TMEM230: variants seen among roughly 807,000 people sequenced by gnomAD.
TMEM230 encodes the protein transmembrane protein 230.
TMEM230 carries 10 observed loss-of-function variants against 15.8 expected under a neutral mutation model. That is an observed-to-expected ratio of 0.63 (90% CI 0.39 to 1.07). The LOEUF is 1.07. TMEM230 is among the 50% of genes least tolerant of loss of function. TMEM230 has a pLI of 0.01. For synonymous variants in TMEM230, 67 were observed against 76.9 expected (o/e 0.87, Z 0.68); for missense variants, 165 against 193.3 (o/e 0.85, Z 0.87).
At chr20:5,069,329 C>T (rs1374951017) in exon 4 of TMEM230, 15 of 1,534,854 alleles carry the variant, frequency 9.8e-6, no homozygotes, top group Non-Finnish European at 1.3e-5. Flanking sequence ...TCTTTTGTTC[C>T]CGTGAGGTGG....
At chr20:5,081,769 C>A (rs1234537296) in intron 3 of TMEM230, among the ~76,000 whole-genome samples, 1 of 151,992 alleles carries the variant, frequency 6.6e-6, no homozygotes, top group Non-Finnish European at 1.5e-5. Flanking sequence ...GCCCTCCCTG[C>A]TTGCTGTCAG....
chr20:5,079,293 T>C (rs1006937027), intron 3 of TMEM230, among the ~76,000 whole-genome samples: 4 of 152,224 alleles, frequency 2.6e-5, no homozygotes, highest in Admixed American at 6.5e-5. Flanking sequence ...TGATTTGTAA[T>C]GTCATTTAAT....
intron 3 of TMEM230, 30 bp downstream of exon 2, chr20:5,109,302 T>C: frequency 6.4e-7 from 1 of 1,550,564 alleles, no homozygotes; most frequent in Non-Finnish European, 8.9e-7. Flanking sequence ...ACACAGCCAG[T>C]CAGTCTTGTC....
At chr20:5,109,476 G>T in intron 2 of TMEM230, 31 bp from the exon 2 acceptor site, 3 of 1,532,666 alleles carry the variant, frequency 2.0e-6, no homozygotes, top group Non-Finnish European at 2.7e-6. Context: ...ACCCGTTATT[G>T]TCTGTAGATG....
chr20:5,100,550 T>G lies in TMEM230; in HGVS notation c.*241A>C. 1.6e-6 allele frequency: 2 copies of G among 1,283,514 alleles called. No individual in the cohort carries two copies. The highest frequency in any genetic ancestry group is 4.0e-5 in the South Asian group (2 of 50,158). The allele number at this position is 1,283,514 out of a possible 1,614,324, so 79.5% of individuals were successfully genotyped here. ...TCCATTACAGAATAACCTCTATTCTTCCATGATACATATTCCTGTGGAAAA... is the reference window on the plus strand; with the variant it reads ...TCCATTACAGAATAACCTCTATTCTGCCATGATACATATTCCTGTGGAAAA... On this transcript the variant is annotated 3_prime_UTR_variant, in exon 5 of 5. Coordinates refer to ENST00000342308, the MANE Select transcript of TMEM230 (RefSeq NM_001009923.2).
chr20:5,107,581 A>T (rs906797605), intron 3 of TMEM230, among the ~76,000 whole-genome samples: 1 of 152,208 alleles, frequency 6.6e-6, no homozygotes, highest in Non-Finnish European at 1.5e-5. Flanking sequence ...TGTTAGATAT[A>T]TATTTATTAA....
At chr20:5,079,297 A>T (rs2089106087) in intron 3 of TMEM230, among the ~76,000 whole-genome samples, 1 of 152,160 alleles carries the variant, frequency 6.6e-6, no homozygotes, top group Non-Finnish European at 1.5e-5. Flanking sequence ...TTGTAATGTC[A>T]TTTAATATCA....
intron 3 of TMEM230, among the ~76,000 whole-genome samples, chr20:5,092,023 G>A (rs2089521865): frequency 6.6e-6 from 1 of 152,064 alleles, no homozygotes; most frequent in Non-Finnish European, 1.5e-5. Flanking sequence ...TGGTGACCTG[G>A]GACTTGGTAT....
intron 3 of TMEM230, among the ~76,000 whole-genome samples, chr20:5,088,866 C>G (rs2089431216): frequency 6.6e-6 from 1 of 152,116 alleles, no homozygotes; most frequent in Admixed American, 6.6e-5. Flanking sequence ...GCAGTCTAAG[C>G]AGCAGGTGGA....
intron 3 of TMEM230, 39 bp from the exon 3 acceptor site, chr20:5,106,349 A>T (rs1214084430): frequency 2.6e-6 from 4 of 1,562,140 alleles, no homozygotes; most frequent in Non-Finnish European, 3.5e-6. Context: ...AACGAAGAAC[A>T]TTAATGCAAA....
At chr20:5,091,166 T>C (rs1600335633) in intron 3 of TMEM230, among the ~76,000 whole-genome samples, 2 of 152,176 alleles carry the variant, frequency 1.3e-5, no homozygotes, top group African/African-American at 4.8e-5. Context: ...GCCCAGCTAA[T>C]TTTTTTATTC....
At chr20:5,108,039 G>C (rs2090162417) in intron 3 of TMEM230, among the ~76,000 whole-genome samples, 1 of 152,100 alleles carries the variant, frequency 6.6e-6, no homozygotes, top group East Asian at 1.9e-4. Flanking sequence ...ACTTGAACCA[G>C]GAGGGGGAGG....
At chr20:5,087,270 C>T (rs1293356679) in intron 3 of TMEM230, among the ~76,000 whole-genome samples, 1 of 152,146 alleles carries the variant, frequency 6.6e-6, no homozygotes, top group Non-Finnish European at 1.5e-5. Context: ...GTCCAGATTT[C>T]AACATGTAGC....
chr20:5,076,023 C>G (rs1318039388), intron 3 of TMEM230, among the ~76,000 whole-genome samples: 1 of 151,558 alleles, frequency 6.6e-6, no homozygotes, highest in Non-Finnish European at 1.5e-5. Flanking sequence ...GTGGGAGGGT[C>G]GCTTGAGCTT....
Position 5,100,009 on chromosome 20 carries a change from T to A in TMEM230, c.*782A>T, listed in dbSNP as rs925521810. On this transcript the variant is annotated 3_prime_UTR_variant, in exon 5 of 5. Transcript: ENST00000342308. ...ATCCTTGGAATCATGAGCAGAATGA[T>A]GACATACTACAAGGTGCTAGCAATA... 1 of 985,178 alleles carries A rather than the reference T, an allele frequency of 1.0e-6. No individual in the cohort carries two copies. Among genetic ancestry groups the A allele is most frequent in the Non-Finnish European group, 1.2e-6 (1 of 829,860 alleles). 61.0% of individuals were successfully genotyped at this position (985,178 alleles called of 1,614,324 possible).
chr20:5,106,658 C>T (rs1431857963), intron 3 of TMEM230, among the ~76,000 whole-genome samples: 4 of 152,154 alleles, frequency 2.6e-5, no homozygotes, highest in East Asian at 1.9e-4. Context: ...CCGCCCGCCT[C>T]GGCCTCCCAA....
chr20:5,069,855 A>C (rs1340255238), intron 3 of TMEM230, among the ~76,000 whole-genome samples: 1 of 152,100 alleles, frequency 6.6e-6, no homozygotes, highest in Admixed American at 6.6e-5. Context: ...GATTACATGC[A>C]TGCACCACCA....
chr20:5,075,702 G>T (rs1389778873), intron 3 of TMEM230, among the ~76,000 whole-genome samples: 2 of 151,952 alleles, frequency 1.3e-5, no homozygotes, highest in Non-Finnish European at 2.9e-5. Flanking sequence ...TCCAGCCTGG[G>T]CGAAAGAGAG....
At chr20:5,097,627 A>C (rs1393426924), downstream of TMEM230, among the ~76,000 whole-genome samples, 2 of 152,110 alleles carry the variant, frequency 1.3e-5, no homozygotes, top group Non-Finnish European at 2.9e-5. Flanking sequence ...GCTTTGCCTT[A>C]TAATTTTTTT....
Sources: gnomAD v4.1 joint callset for allele counts (sites outside exome capture counted in the v4.1 genomes callset) on GRCh38, gnomAD v4.1.1 for gene constraint, MANE v1.5 for transcripts, NCBI Gene and HGNC (gene_info 2026-07-23, HGNC 2026-07-21) for gene names.